Variants in MYOM2 observed in about 807,000 individuals in gnomAD.
MYOM2 encodes the protein myomesin-2.
A neutral mutation model predicts 187.6 loss-of-function variants in MYOM2; 254 were observed. That is an observed-to-expected ratio of 1.35 (90% CI 1.22 to 1.50). The LOEUF (loss-of-function observed/expected upper bound fraction) is 1.50, where lower values mean the gene tolerates loss of function less well. Among genes scored for constraint, MYOM2 ranks in the 40% most tolerant of loss-of-function variants. The probability of loss-of-function intolerance (pLI) is 0.00; values close to 1 mark genes in which losing one functional copy is unlikely to be tolerated. For synonymous variants in MYOM2, 981 were observed against 753.8 expected (o/e 1.30, Z -4.94); for missense variants, 2,796 against 1,924.0 (o/e 1.45, Z -8.48).
At chr8:2,136,512 G>A (rs1798076151) in intron 32 of MYOM2, among the ~76,000 whole-genome samples, 1 of 152,194 alleles carries the variant, frequency 6.6e-6, no homozygotes, top group South Asian at 2.1e-4. Flanking sequence ...AGATTGTGTG[G>A]CTGTTGTAAA....
intron 4 of MYOM2, 54 bp from the exon 5 acceptor site, chr8:2,057,569 G>T (rs1585826581): frequency 6.2e-7 from 1 of 1,613,052 alleles, no homozygotes; most frequent in Non-Finnish European, 8.5e-7. Flanking sequence ...AGGGGCCGAG[G>T]GTGGAGCTTG....
intron 6 of MYOM2, among the ~76,000 whole-genome samples, chr8:2,063,856 G>A (rs931313245): frequency 4.6e-5 from 7 of 152,212 alleles, no homozygotes; most frequent in African/African-American, 1.4e-4. Flanking sequence ...ATGGACGTTT[G>A]TATAAATTGA....
At chr8:2,138,249 C>A (rs1052257332) in intron 32 of MYOM2, among the ~76,000 whole-genome samples, 1 of 152,182 alleles carries the variant, frequency 6.6e-6, no homozygotes, top group Non-Finnish European at 1.5e-5. Flanking sequence ...ATGGCACTCT[C>A]GGCCCGGCCG....
intron 10 of MYOM2, among the ~76,000 whole-genome samples, chr8:2,074,513 G>A (rs1819347384): frequency 6.6e-6 from 1 of 152,072 alleles, no homozygotes; most frequent in Admixed American, 6.5e-5. Context: ...GGAGTGCAGT[G>A]GCGCGACCTC....
At chr8:2,092,246 T>G in intron 15 of MYOM2, 100 bp from the exon 16 acceptor site, 1 of 1,386,998 alleles carries the variant, frequency 7.2e-7, no homozygotes, top group Non-Finnish European at 9.9e-7. Context: ...AAGCCCCCAG[T>G]CTGGCTGTCC....
At position 2,144,983 on chromosome 8, in the gene MYOM2, G is replaced by A. The variant is rs763161759; in HGVS notation, c.*2G>A. 1.9e-6 allele frequency: 3 copies of A among 1,612,962 alleles called. No individual in the cohort carries two copies. The highest frequency in any genetic ancestry group is 8.5e-7 in the Non-Finnish European group (1 of 1,179,706). On this transcript the variant is annotated 3_prime_UTR_variant, in exon 37 of 37. Coordinates refer to ENST00000262113, the MANE Select transcript of MYOM2 (RefSeq NM_003970.4). Reference sequence around the variant, plus strand: ...TCTGCCTCAGCGGCAGGCCAGTGAAGGCGTTTTCCTAGCCTGGAGATGGGA... The same window carrying A: ...TCTGCCTCAGCGGCAGGCCAGTGAAAGCGTTTTCCTAGCCTGGAGATGGGA...
At chr8:2,074,764 C>T (rs544834164) in intron 10 of MYOM2, among the ~76,000 whole-genome samples, 7 of 152,294 alleles carry the variant, frequency 4.6e-5, no homozygotes, top group East Asian at 1.9e-4. Context: ...GCCCCACCTA[C>T]GCTTTTATCA....
intron 8 of MYOM2, among the ~76,000 whole-genome samples, 167 bp from the exon 9 acceptor site, chr8:2,072,178 C>T (rs964732491): frequency 2.6e-5 from 4 of 152,138 alleles, no homozygotes; most frequent in African/African-American, 7.2e-5. Flanking sequence ...CTGCAGTGAG[C>T]CGAGGTCGCA....
rs201633733 is a variant in MYOM2, at chr8:2,129,125, A to G, written c.3695-2A>G. ...GATCTGAGGATGTTTTATTTTCTGC[A>G]GGGAAATCTGCTTCGCCACTGAAGG... On this transcript the variant is annotated splice_acceptor_variant, in intron 31 of 36. Transcript: ENST00000262113. LOFTEE classifies it high-confidence loss of function. 176 of 1,597,376 alleles carry G rather than the reference A, an allele frequency of 1.1e-4. 2 individuals are homozygous for G. The East Asian group carries it at 3.5e-3, about 32-fold the overall frequency.
In MYOM2 at chr8:2,140,920, C is replaced by T. The variant is rs115413109; in HGVS notation, c.3964+34C>T. On this transcript the variant is annotated intron_variant, in intron 33 of 36. Coordinates refer to ENST00000262113, the MANE Select transcript of MYOM2 (RefSeq NM_003970.4). ...ATTCTTCTTTAGCATTTAATAATTT[C>T]CTATTTAGAAATCCATTTAGATGCT... 3.7e-3 allele frequency: 5,864 copies of T among 1,567,550 alleles called. 190 individuals carry two copies. The African/African-American group carries it at 0.07, about 19-fold the overall frequency.
chr8:2,054,689 G>T (rs939124739), intron 3 of MYOM2, among the ~76,000 whole-genome samples: 1 of 152,218 alleles, frequency 6.6e-6, no homozygotes, highest in Non-Finnish European at 1.5e-5. Context: ...AAAGTAAACG[G>T]TGTCAAGAGA....
intron 31 of MYOM2, 96 bp from the exon 32 acceptor site, chr8:2,129,031 C>T (rs1320110902): frequency 1.3e-6 from 1 of 757,180 alleles, no homozygotes; most frequent in South Asian, 1.6e-5. Flanking sequence ...AACAGGATTG[C>T]AGGTGGGGAC....
At chr8:2,119,335 A>C (rs1260704675) in intron 28 of MYOM2, 1 of 152,410 alleles carries the variant, frequency 6.6e-6, no homozygotes, top group African/African-American at 2.4e-5. Context: ...TCAGAGGAGA[A>C]GAGGAGACCA....
Position 2,078,809 on chromosome 8 carries a change from G to A in MYOM2, c.1338G>A (p.Gly446=). 2 of 1,614,150 alleles carry A rather than the reference G, an allele frequency of 1.2e-6. No homozygotes were observed. The highest frequency in any genetic ancestry group is 1.7e-6 in the Non-Finnish European group (2 of 1,180,026). The change falls in exon 12 of 37, where the codon GGG becomes GGA. Residue 446 remains glycine, a synonymous_variant. Coordinates refer to ENST00000262113, the MANE Select transcript of MYOM2 (RefSeq NM_003970.4). ...AAATCTGCAAATACCCGGTCACAGG[G>A]CTTTTTGAAGGAAGGTCTTACATAT... ...PVKICKYPVT[G]LFEGRSYIFR...
At position 2,057,655 on chromosome 8, in the gene MYOM2, A is replaced by G. The variant is rs765625254; in HGVS notation, c.435A>G (p.Thr145=). The G allele has an allele frequency of 8.1e-6, 13 of 1,613,960 alleles. No homozygotes were observed. The highest frequency in any genetic ancestry group is 1.6e-4 in the Middle Eastern group (1 of 6,084). The part of the protein sequence containing the change: ...MEDKLAWERH[T]FEERISRAPE... ...ACAAGCTGGCCTGGGAGAGACACAC[A>G]TTTGAAGAGCGGATAAGCAGGGCTC... The change falls in exon 5 of 37, where the codon ACA becomes ACG. Residue 145 remains threonine (T), a synonymous_variant. Coordinates refer to ENST00000262113, the MANE Select transcript of MYOM2 (RefSeq NM_003970.4).
intron 8 of MYOM2, 127 bp from the exon 9 acceptor site, chr8:2,072,218 G>A (rs569333128): frequency 1.4e-5 from 6 of 418,016 alleles, no homozygotes; most frequent in Admixed American, 3.0e-5. Context: ...ACAACAGAGC[G>A]AGACTCCGTC....
chr8:2,072,866 C>A (rs906705374), intron 9 of MYOM2, among the ~76,000 whole-genome samples: 3 of 152,170 alleles, frequency 2.0e-5, no homozygotes, highest in African/African-American at 4.8e-5. Flanking sequence ...CTACCTTAGT[C>A]GTATTGAGAT....
At chr8:2,109,173 T>G (rs1796986723) in intron 24 of MYOM2, 1 of 547,268 alleles carries the variant, frequency 1.8e-6, no homozygotes, top group African/African-American at 2.0e-5. Context: ...ATCGAACACA[T>G]TTGCAAAGCT....
chr8:2,124,197 T>C lies in MYOM2; in HGVS notation c.3674T>C (p.Leu1225Ser). Residue 1225 changes from leucine to serine, a missense_variant, in exon 31 of 37, where the codon TTG (leucine) becomes TCG (serine). Coordinates refer to ENST00000262113, the MANE Select transcript of MYOM2 (RefSeq NM_003970.4). Reference sequence around the variant, plus strand: ...TTTTCAGTGTATGATGATATGATTTTGGCAATGAGTAGAGTCTGTGGTAAG... The same window carrying C: ...TTTTCAGTGTATGATGATATGATTTCGGCAATGAGTAGAGTCTGTGGTAAG... The part of the protein sequence containing the change: ...IAGKVYDDMI[L>S]AMSRVCGKSA... 6.2e-7 allele frequency: 1 copy of C among 1,613,018 alleles called. No individual in the cohort carries two copies. Among genetic ancestry groups the C allele is most frequent in the Non-Finnish European group, 8.5e-7 (1 of 1,179,360 alleles).
Sources: gnomAD v4.1 joint callset for allele counts (sites outside exome capture counted in the v4.1 genomes callset) on GRCh38, gnomAD v4.1.1 for gene constraint, MANE v1.5 for transcripts, NCBI Gene and HGNC (gene_info 2026-07-23, HGNC 2026-07-21) for gene names.